RNF13: variants seen among roughly 807,000 people sequenced by gnomAD.
The protein encoded by RNF13 is ring finger protein 13, also known as E3 ubiquitin-protein ligase RNF13.
RNF13 carries 19 observed loss-of-function variants against 37.7 expected under a neutral mutation model. That is an observed-to-expected ratio of 0.50 (90% CI 0.35 to 0.74). RNF13 has a LOEUF of 0.74. RNF13 is among the 30% of genes least tolerant of loss of function. The pLI, the probability that RNF13 is intolerant of heterozygous loss-of-function variation, is 0.01. For missense variants in RNF13, 375 were observed against 453.0 expected (o/e 0.83, Z 1.56); for synonymous variants, 144 against 157.8 (o/e 0.91, Z 0.65).
rs397842025 is a variant in RNF13, at chr3:149,853,455, G to GGAGAGAGA, written c.195+898_195+905dup. Among the ~76,000 whole-genome samples, 751 of 117,252 alleles carry GGAGAGAGA rather than the reference G, an allele frequency of 6.4e-3. 14 individuals are homozygous for GGAGAGAGA. Among genetic ancestry groups the GGAGAGAGA allele is most frequent in the Non-Finnish European group, 6.8e-3 (385 of 57,036 alleles). The allele number at this position is 117,252 out of a possible 152,430, so 76.9% of individuals were successfully genotyped here. A position where few individuals can be genotyped will look rare whatever the true frequency, so the allele number is the denominator to read the frequency against. ...TGCTGTGTGTGTGAGAGAGAGAGAG[G>GGAGAGAGA]GAGAGAGAGAGAGAGAGAGAGAGAG... On this transcript the variant is annotated intron_variant, in intron 3 of 9. Coordinates refer to ENST00000392894, the MANE Select transcript of RNF13 (RefSeq NM_183381.3).
At chr3:149,930,556 G>A (rs928777530) in intron 8 of RNF13, among the ~76,000 whole-genome samples, 5 of 152,150 alleles carry the variant, frequency 3.3e-5, no homozygotes, top group African/African-American at 1.2e-4. Context: ...CTAGTTGTGA[G>A]ATTTGGATAA....
At chr3:149,929,744 A>C (rs1205866924) in intron 8 of RNF13, among the ~76,000 whole-genome samples, 1 of 152,082 alleles carries the variant, frequency 6.6e-6, no homozygotes, top group Non-Finnish European at 1.5e-5. Context: ...TTTTTTTGGC[A>C]TGTTGAAATC....
In RNF13 at chr3:149,921,162, G is replaced by C. The variant is rs946491922; in HGVS notation, c.635G>C (p.Arg212Thr). 2 of 1,420,964 alleles carry C rather than the reference G, an allele frequency of 1.4e-6. No individual in the cohort carries two copies. The highest frequency in any genetic ancestry group is 2.0e-4 in the Middle Eastern group (1 of 5,096). 88.0% of individuals were successfully genotyped at this position (1,420,964 alleles called of 1,614,324 possible). A position where few individuals can be genotyped will look rare whatever the true frequency, so the allele number is the denominator to read the frequency against. ...MITKFVQDRHRARRNRLRKDQ... is the reference protein window; with the variant it reads ...MITKFVQDRHTARRNRLRKDQ... ...ACAAAATTTGTCCAGGATAGACATA[G>C]AGCTAGAAGAAACAGACTTCGTAAA... Residue 212 changes from arginine (R) to threonine (T), a missense_variant, in exon 8 of 10, where the codon AGA becomes ACA. Physicochemically the swap from Arg to Thr is moderately conservative, Grantham distance 71. Transcript: ENST00000392894.
At chr3:149,933,036 C>G (rs188304432) in intron 8 of RNF13, among the ~76,000 whole-genome samples, 8 of 152,042 alleles carry the variant, frequency 5.3e-5, no homozygotes, top group Admixed American at 4.6e-4. Context: ...TGCTGCACAC[C>G]TACAGCCTTA....
chr3:149,934,653 G>C (rs1459465238), intron 8 of RNF13, among the ~76,000 whole-genome samples: 1 of 146,850 alleles, frequency 6.8e-6, no homozygotes, highest in Non-Finnish European at 1.5e-5. Flanking sequence ...AGTTTTCAAA[G>C]TTCCTTTTTT....
intron 4 of RNF13, among the ~76,000 whole-genome samples, chr3:149,877,631 A>G (rs1358228415): frequency 6.6e-6 from 1 of 152,058 alleles, no homozygotes; most frequent in Non-Finnish European, 1.5e-5. Context: ...CTATTTCAGT[A>G]GTAGTAAGCA....
intron 7 of RNF13, among the ~76,000 whole-genome samples, chr3:149,919,889 C>T (rs1340754721): frequency 6.6e-6 from 1 of 152,244 alleles, no homozygotes; most frequent in Non-Finnish European, 1.5e-5. Flanking sequence ...AGTCCCTCCA[C>T]TTCCGTGCCA....
intron 3 of RNF13, among the ~76,000 whole-genome samples, chr3:149,853,455 G>GGAGAGAGAGAGAGAGAGAGAGAGAGA (rs397842025): frequency 2.6e-5 from 3 of 117,262 alleles, no homozygotes; most frequent in Non-Finnish European, 3.5e-5. Context: ...AGAGAGAGAG[G>GGAGAGAGAGAGAGAGAGAGAGAGAGA]GAGAGAGAGA....
chr3:149,854,405 A>G, intron 3 of RNF13, among the ~76,000 whole-genome samples: 1 of 152,196 alleles, frequency 6.6e-6, no homozygotes, highest in South Asian at 2.1e-4. Flanking sequence ...TCCTTTTCTG[A>G]ACATGTAATG....
intron 6 of RNF13, among the ~76,000 whole-genome samples, chr3:149,904,410 T>A: frequency 6.6e-6 from 1 of 152,042 alleles, no homozygotes; most frequent in East Asian, 1.9e-4. Context: ...AGACAGGCTG[T>A]TACTCTGTTG....
chr3:149,875,880 C>G (rs536883465), intron 4 of RNF13, among the ~76,000 whole-genome samples: 2 of 1,910 alleles, frequency 1.0e-3, no homozygotes, highest in Non-Finnish European at 1.8e-3. Flanking sequence ...TTGTATGATG[C>G]TGTTCTTTAC....
chr3:149,872,008 T>C lies in RNF13; in HGVS notation c.196-21T>C, dbSNP rs191393637. 4.1e-3 allele frequency: 6,393 copies of C among 1,571,438 alleles called. 76 individuals carry two copies. The highest frequency in any genetic ancestry group is 2.6e-3 in the Non-Finnish European group (3,071 of 1,165,742). ...TTTACTGAGTGAAACAGAGAGATAA[T>C]TTTTACCAATTCTTTTTCAGGGTTT... On this transcript the variant is annotated intron_variant, in intron 3 of 9. Coordinates refer to ENST00000392894, the MANE Select transcript of RNF13 (RefSeq NM_183381.3).
intron 8 of RNF13, among the ~76,000 whole-genome samples, chr3:149,949,099 A>G (rs1034855986): frequency 2.6e-5 from 4 of 151,648 alleles, no homozygotes; most frequent in South Asian, 2.1e-4. Flanking sequence ...ACAGGATTCT[A>G]TATTTGTCTA....
chr3:149,958,627 G>A (rs1443557009), intron 8 of RNF13, among the ~76,000 whole-genome samples: 1 of 152,150 alleles, frequency 6.6e-6, no homozygotes, highest in East Asian at 1.9e-4. Context: ...AAGGTGATGT[G>A]ACTCAAAGGT....
chr3:149,863,499 C>T (rs1250989483), intron 3 of RNF13, among the ~76,000 whole-genome samples: 2 of 152,148 alleles, frequency 1.3e-5, no homozygotes, highest in Non-Finnish European at 2.9e-5. Context: ...CATGCCTCAG[C>T]TTCCTGTGTA....
intron 3 of RNF13, among the ~76,000 whole-genome samples, chr3:149,862,552 T>A (rs554032910): frequency 2.6e-5 from 4 of 152,164 alleles, no homozygotes; most frequent in Non-Finnish European, 5.9e-5. Context: ...TTTGCTGTGG[T>A]TTTAAAACTT....
In RNF13 at chr3:149,906,645, C is replaced by CTTTTTTTTT. The variant is rs35801459; in HGVS notation, c.500+4499_500+4507dup. On this transcript the variant is annotated intron_variant, in intron 6 of 9. Coordinates refer to ENST00000392894, the MANE Select transcript of RNF13 (RefSeq NM_183381.3). The stretch of plus-strand genomic sequence containing the variant: ...ATGTCCTTTCATTTGTTCAATTCTG[C>CTTTTTTTTT]TTTTTTTTTTTTTTTTTTTTTTTTA... Among the ~76,000 whole-genome samples the CTTTTTTTTT allele has an allele frequency of 1.3e-3, 101 of 79,106 alleles. 1 individual carries two copies. Among genetic ancestry groups the CTTTTTTTTT allele is most frequent in the Non-Finnish European group, 1.5e-3 (65 of 44,728 alleles). 51.9% of individuals were successfully genotyped at this position (79,106 alleles called of 152,430 possible).
At chr3:149,819,311 C>T (rs889873049) in intron 1 of RNF13, among the ~76,000 whole-genome samples, 7 of 152,020 alleles carry the variant, frequency 4.6e-5, no homozygotes, top group African/African-American at 7.2e-5. Context: ...TGCTATTTAC[C>T]GGTAAGATTA....
intron 8 of RNF13, among the ~76,000 whole-genome samples, chr3:149,936,936 C>T (rs1257461382): frequency 6.6e-6 from 1 of 152,102 alleles, no homozygotes; most frequent in Non-Finnish European, 1.5e-5. Flanking sequence ...CCCAGGTTTG[C>T]CTGGCTTTCA....
Sources: gnomAD v4.1 joint callset for allele counts (sites outside exome capture counted in the v4.1 genomes callset) on GRCh38, gnomAD v4.1.1 for gene constraint, MANE v1.5 for transcripts, NCBI Gene and HGNC (gene_info 2026-07-23, HGNC 2026-07-21) for gene names.